Variants in ROR2 observed in about 807,000 individuals in gnomAD.
The protein encoded by ROR2 is tyrosine-protein kinase transmembrane receptor ROR2.
In ROR2, 33 loss-of-function variants were observed where a neutral mutation model predicts 74.9. The ratio of observed to expected loss-of-function variants is 0.44; its 90% CI spans 0.33 to 0.59. The LOEUF is 0.59. Ranked by LOEUF, ROR2 falls within the 20% of genes least tolerant of loss-of-function variation. ROR2 has a pLI of 0.02. For synonymous variants in ROR2, 586 were observed against 558.7 expected (o/e 1.05, Z -0.69); for missense variants, 1,216 against 1,313.8 (o/e 0.93, Z 1.15).
chr9:91,795,238 G>A (rs1827129430), intron 1 of ROR2, among the ~76,000 whole-genome samples: 1 of 152,168 alleles, frequency 6.6e-6, no homozygotes, highest in African/African-American at 2.4e-5. Flanking sequence ...ATGAGACAGA[G>A]TCTTTACATT....
chr9:91,770,844 C>T (rs1278438595), intron 2 of ROR2, among the ~76,000 whole-genome samples: 2 of 152,208 alleles, frequency 1.3e-5, no homozygotes, highest in Non-Finnish European at 2.9e-5. Context: ...CATACGTACA[C>T]ACAGGCACGC....
At chr9:91,941,143 G>A (rs1221975069) in intron 1 of ROR2, among the ~76,000 whole-genome samples, 1 of 151,564 alleles carries the variant, frequency 6.6e-6, no homozygotes, top group Admixed American at 6.6e-5. Flanking sequence ...GACTACAGGC[G>A]CCCACCACCG....
chr9:91,876,890 C>A (rs1023363482), intron 1 of ROR2, among the ~76,000 whole-genome samples: 1 of 152,080 alleles, frequency 6.6e-6, no homozygotes, highest in African/African-American at 2.4e-5. Context: ...TAAAAGGACA[C>A]GAAGAGCATC....
rs114023204 is a variant in ROR2 at position 91,948,149 on chromosome 9, A to G, written c.97+1718T>C. The stretch of plus-strand genomic sequence containing the variant: ...TTCCTGTTACAACCACCTTGGCTTA[A>G]GCAATGGACCCATCATGCTTTCCTC... On this transcript the variant is annotated intron_variant, in intron 1 of 8. Transcript: ENST00000375708. 4.0e-3 allele frequency among the ~76,000 whole-genome samples: 617 copies of G among 152,346 alleles called. 4 individuals carry two copies. The highest frequency in any genetic ancestry group is 0.014 in the African/African-American group (589 of 41,582).
intron 1 of ROR2, among the ~76,000 whole-genome samples, chr9:91,919,006 T>A (rs1831205065): frequency 6.7e-6 from 1 of 148,202 alleles, no homozygotes; most frequent in African/African-American, 2.6e-5. Flanking sequence ...TCCGCACCCC[T>A]GTGACCTCAT....
At chr9:91,760,066 A>G (rs531687212) in intron 2 of ROR2, among the ~76,000 whole-genome samples, 1 of 152,352 alleles carries the variant, frequency 6.6e-6, no homozygotes, top group Admixed American at 6.5e-5. Flanking sequence ...TCCCCACTGG[A>G]CAGGGAGTCC....
chr9:91,887,588 T>C (rs1342924832), intron 1 of ROR2, among the ~76,000 whole-genome samples: 1 of 152,204 alleles, frequency 6.6e-6, no homozygotes, highest in African/African-American at 2.4e-5. Flanking sequence ...AAAGCTGTTA[T>C]GAACATTCCC....
At chr9:91,895,958 C>A (rs1253365236) in intron 1 of ROR2, among the ~76,000 whole-genome samples, 4 of 152,192 alleles carry the variant, frequency 2.6e-5, no homozygotes, top group African/African-American at 9.7e-5. Flanking sequence ...CACCCGCGTG[C>A]CAGTACCTCC....
At position 91,730,959 on chromosome 9, in the gene ROR2, A is replaced by C; in HGVS notation, c.1134T>G (p.Phe378Leu). Reference sequence around the variant, plus strand: ...CCATGCGTACGTTTTTATTCTGCGTAAAGCACCAGGGGCCCTCCATCTGGC... The same window carrying C: ...CCATGCGTACGTTTTTATTCTGCGTCAAGCACCAGGGGCCCTCCATCTGGC... ...PGGQMEGPWC[F>L]TQNKNVRMEL... Residue 378 changes from phenylalanine to leucine, a missense_variant, in exon 7 of 9, where the codon TTT becomes TTG. Phe to Leu is a conservative substitution (Grantham distance 22). Transcript: ENST00000375708. 6.2e-7 allele frequency: 1 copy of C among 1,614,166 alleles called. No individual in the cohort carries two copies. Among genetic ancestry groups the C allele is most frequent in the Non-Finnish European group, 8.5e-7 (1 of 1,180,034 alleles).
chr9:91,741,764 G>A (rs1391219242), intron 4 of ROR2, among the ~76,000 whole-genome samples: 1 of 152,192 alleles, frequency 6.6e-6, no homozygotes, highest in African/African-American at 2.4e-5. Context: ...CCAGGAGACA[G>A]AGCAGACCAG....
chr9:91,724,584 A>C lies in ROR2; in HGVS notation c.1910T>G (p.Phe637Cys). ...LNVKISDLGL[F>C]REVYAADYYK... is the part of the protein sequence containing the mutation. ...GTAATCGGCGGCATACACCTCTCGG[A>C]AGAGGCCCAAGTCTGAGATCTTCAC... Residue 637 changes from phenylalanine (F) to cysteine (C), a missense_variant, in exon 9 of 9, where the codon TTC (phenylalanine) becomes TGC (cysteine). By Grantham distance (205) the Phe-to-Cys change is radical (BLOSUM62 -2). Coordinates refer to ENST00000375708, the MANE Select transcript of ROR2 (RefSeq NM_004560.4). 6.2e-7 allele frequency: 1 copy of C among 1,614,038 alleles called. No individual in the cohort carries two copies. The highest frequency in any genetic ancestry group is 8.5e-7 in the Non-Finnish European group (1 of 1,180,000).
chr9:91,839,246 TCGGGGGTGTGTG>T (rs1828703419), intron 1 of ROR2, among the ~76,000 whole-genome samples: 1 of 127,730 alleles, frequency 7.8e-6, no homozygotes, highest in African/African-American at 3.2e-5. Flanking sequence ...TGCTGTCAGA[TCGGGGGTGTGTG>T]TGTGTGTGTG....
intron 1 of ROR2, among the ~76,000 whole-genome samples, chr9:91,840,886 G>A (rs1180766977): frequency 6.6e-6 from 1 of 152,256 alleles, no homozygotes; most frequent in Non-Finnish European, 1.5e-5. Context: ...CCATTTCATT[G>A]CATGCATTTG....
chr9:91,933,583 T>C (rs567047270), intron 1 of ROR2, among the ~76,000 whole-genome samples: 2 of 152,326 alleles, frequency 1.3e-5, no homozygotes, highest in Admixed American at 1.3e-4. Flanking sequence ...GCCTGGCATG[T>C]ACTAATACAG....
chr9:91,772,302 G>A lies in ROR2; in HGVS notation c.175+3439C>T, dbSNP rs549898417. On this transcript the variant is annotated intron_variant, in intron 2 of 8. Coordinates refer to ENST00000375708, the MANE Select transcript of ROR2 (RefSeq NM_004560.4). The stretch of plus-strand genomic sequence containing the variant: ...GTGCTGATGATCCACCAATCATCAC[G>A]ATGGTGATGCTAACAAATGGCGCCA... Among the ~76,000 whole-genome samples the A allele has an allele frequency of 7.9e-5, 12 of 152,334 alleles. No individual in the cohort carries two copies. The South Asian group carries it at 2.3e-3, about 29-fold the overall frequency.
At chr9:91,887,388 C>T (rs914720618) in intron 1 of ROR2, among the ~76,000 whole-genome samples, 2 of 152,172 alleles carry the variant, frequency 1.3e-5, no homozygotes, top group African/African-American at 4.8e-5. Flanking sequence ...CAGAGCAGTA[C>T]GCAAGATTTC....
At chr9:91,799,454 G>A (rs1454431552) in intron 1 of ROR2, among the ~76,000 whole-genome samples, 5 of 152,190 alleles carry the variant, frequency 3.3e-5, no homozygotes, top group East Asian at 1.9e-4. Context: ...GAGGTGGCCA[G>A]CCTTAGAGTT....
intron 1 of ROR2, among the ~76,000 whole-genome samples, chr9:91,895,121 T>G (rs575611473): frequency 5.3e-5 from 8 of 152,256 alleles, no homozygotes; most frequent in African/African-American, 1.4e-4. Context: ...TGAAAAGAGA[T>G]AGAGCAAACT....
chr9:91,766,700 C>G (rs1047406778), intron 2 of ROR2, among the ~76,000 whole-genome samples: 1 of 152,214 alleles, frequency 6.6e-6, no homozygotes, highest in Non-Finnish European at 1.5e-5. Context: ...AAGCTCTCCT[C>G]CAACTCACAA....
Sources: allele counts gnomAD v4.1 joint callset (sites outside exome capture counted in the v4.1 genomes callset), GRCh38; gene constraint gnomAD v4.1.1; transcripts MANE v1.5; gene names NCBI Gene and HGNC (gene_info 2026-07-23, HGNC 2026-07-21).